Variants in RNF114 observed in about 807,000 individuals in gnomAD.
RNF114 encodes E3 ubiquitin-protein ligase RNF114.
RNF114 carries 6 observed loss-of-function variants against 28.4 expected under a neutral mutation model. The observed-to-expected ratio is 0.21, with a 90% CI of 0.12 to 0.42. RNF114 has a LOEUF of 0.42. Among genes scored for constraint, RNF114 ranks in the 10% least tolerant of loss-of-function variants. The probability of loss-of-function intolerance (pLI) is 1.00; values close to 1 mark genes in which losing one functional copy is unlikely to be tolerated. For synonymous variants in RNF114, 115 were observed against 116.7 expected, an observed-to-expected ratio of 0.99 and a Z score of 0.09; for missense variants, 249 against 311.7, an observed-to-expected ratio of 0.80 and a Z score of 1.51.
chr20:49,941,328 C>G, intron 1 of RNF114: 3 of 453,262 alleles, frequency 6.6e-6, no homozygotes, highest in Non-Finnish European at 1.2e-5. Flanking sequence ...ACCTTAACAC[C>G]TTCACTGTGT....
chr20:49,949,065 T>C (rs1234191535), intron 4 of RNF114, among the ~76,000 whole-genome samples, 183 bp from the exon 5 acceptor site: 1 of 152,162 alleles, frequency 6.6e-6, no homozygotes, highest in Non-Finnish European at 1.5e-5. Flanking sequence ...CCACGTGTCA[T>C]TTGACTTGAG....
chr20:49,946,939 G>C (rs1336530311), intron 4 of RNF114, among the ~76,000 whole-genome samples: 1 of 151,296 alleles, frequency 6.6e-6, no homozygotes, highest in Non-Finnish European at 1.5e-5. Context: ...AAAAATGTAG[G>C]CTGGGCACGG....
In RNF114 at chr20:49,936,438, G is replaced by C. The variant is rs887308687; in HGVS notation, c.26G>C (p.Gly9Ala). 2.6e-6 allele frequency: 4 copies of C among 1,540,164 alleles called. No homozygotes were observed. The highest frequency in any genetic ancestry group is 2.6e-5 in the East Asian group (1 of 38,710). ...ATGGCGGCGCAACAGCGGGACTGCG[G>C]GGGTGCTGCGCAGCTGGCGGGGCCG... MAAQQRDC[G>A]GAAQLAGPAA... is the part of the protein sequence containing the mutation. Residue 9 changes from glycine (G) to alanine (A), a missense_variant, in exon 1 of 6, where the codon GGG (glycine) becomes GCG (alanine). Transcript: ENST00000244061.
chr20:49,945,487 A>G lies in RNF114; in HGVS notation c.397A>G (p.Arg133Gly). 6.3e-7 allele frequency: 1 copy of G among 1,580,376 alleles called. No individual in the cohort carries two copies. Among genetic ancestry groups the G allele is most frequent in the Non-Finnish European group, 8.7e-7 (1 of 1,149,366 alleles). Reference protein sequence around the residue: ...ATIKDASLQPRNVPNRYTFPC... With the variant: ...ATIKDASLQPGNVPNRYTFPC... ...CATTAAGGATGCATCTCTTCAGCCA[A>G]GGTAAATGACTCAGTCTCCCCTTAG... Residue 133 changes from arginine to glycine, a missense_variant and splice_region_variant, in exon 3 of 6, where the codon AGG (arginine) becomes GGG (glycine). Arg to Gly is a moderately radical substitution (Grantham distance 125). Coordinates refer to ENST00000244061, the MANE Select transcript of RNF114 (RefSeq NM_018683.4).
At chr20:49,946,368 G>A (rs762916154) in intron 4 of RNF114, 118 bp downstream of exon 4, 13 of 598,860 alleles carry the variant, frequency 2.2e-5, no homozygotes, top group African/African-American at 3.8e-5. Flanking sequence ...TTGACAGATT[G>A]TTAACATTTT....
chr20:49,945,441 C>T lies in RNF114; in HGVS notation c.351C>T (p.Ile117=). The change falls in exon 3 of 6, where the codon ATC becomes ATT. Residue 117 remains isoleucine, a synonymous_variant. Transcript: ENST00000244061. ...VATCSKYQNY[I]MEGVKATIKD... The stretch of plus-strand genomic sequence containing the variant: ...CTTGTTCCAAATACCAGAATTACAT[C>T]ATGGAAGGTGTGAAGGCCACCATTA... 4 of 1,613,466 alleles carry T rather than the reference C, an allele frequency of 2.5e-6. No individual in the cohort carries two copies. Among genetic ancestry groups the T allele is most frequent in the Non-Finnish European group, 3.4e-6 (4 of 1,179,412 alleles).
chr20:49,945,598 T>TA, intron 3 of RNF114, 110 bp downstream of exon 3: 2 of 658,884 alleles, frequency 3.0e-6, no homozygotes, highest in South Asian at 3.6e-5. Flanking sequence ...CTAAAGCTGA[T>TA]ACAAGTATTT....
intron 1 of RNF114, among the ~76,000 whole-genome samples, chr20:49,939,809 C>G (rs368364867): frequency 2.0e-5 from 3 of 151,634 alleles, no homozygotes; most frequent in Middle Eastern, 3.5e-3. Context: ...AATCCCAGCA[C>G]TTTGGGAGGC....
Position 49,941,591 on chromosome 20 carries a change from G to A in RNF114, c.171G>A (p.Leu57=), listed in dbSNP as rs1262958399. ...VFCSACLQEC[L]KPKKPVCGVC... is the part of the protein sequence containing the mutation. ...GCTCTGCATGCCTGCAGGAATGTCTGAAGCCGAAGAAGCCTGTCTGTGGGG... is the reference window on the plus strand; with the variant it reads ...GCTCTGCATGCCTGCAGGAATGTCTAAAGCCGAAGAAGCCTGTCTGTGGGG... Residue 57 remains leucine, a synonymous_variant, in exon 2 of 6, where the codon CTG becomes CTA. Coordinates refer to ENST00000244061, the MANE Select transcript of RNF114 (RefSeq NM_018683.4). The A allele has an allele frequency of 6.2e-7, 1 of 1,609,032 alleles. No homozygotes were observed. The highest frequency in any genetic ancestry group is 8.5e-7 in the Non-Finnish European group (1 of 1,176,688).
intron 1 of RNF114, chr20:49,941,228 C>A (rs1051884220): frequency 1.3e-5 from 3 of 224,078 alleles, no homozygotes; most frequent in African/African-American, 6.9e-5. Flanking sequence ...GAGGTAGGTA[C>A]TACTCTCTCC....
chr20:49,937,264 G>A (rs759300806), intron 1 of RNF114, among the ~76,000 whole-genome samples: 1 of 152,156 alleles, frequency 6.6e-6, no homozygotes, highest in Admixed American at 6.5e-5. Flanking sequence ...TGGTCAGGTT[G>A]GTCGATTTGA....
rs935710419 is a variant in RNF114, at chr20:49,952,664, A to T, written c.*523A>T. 1 of 175,650 alleles carries T rather than the reference A, an allele frequency of 5.7e-6. No individual in the cohort carries two copies. The highest frequency in any genetic ancestry group is 2.4e-5 in the African/African-American group (1 of 42,402). The allele number at this position is 175,650 out of a possible 1,614,324, so 10.9% of individuals were successfully genotyped here. On this transcript the variant is annotated 3_prime_UTR_variant, in exon 6 of 6. Coordinates refer to ENST00000244061, the MANE Select transcript of RNF114 (RefSeq NM_018683.4). ...AGCTGGGGTTGCCATCCCGGGGTAC[A>T]TGTCACCAGTCCTCTTGGGGTTTTG... is the stretch of plus-strand genomic sequence containing the variant.
intron 4 of RNF114, among the ~76,000 whole-genome samples, chr20:49,948,450 AGAC>A (rs2090343391): frequency 7.4e-6 from 1 of 135,084 alleles, no homozygotes; most frequent in African/African-American, 2.8e-5. Context: ...TTTTTTTTTA[AGAC>A]AGAGTCTCAC....
intron 5 of RNF114, 124 bp from the exon 6 acceptor site, chr20:49,951,952 A>G: frequency 1.5e-6 from 1 of 671,426 alleles, no homozygotes; most frequent in East Asian, 2.5e-5. Flanking sequence ...AAACAGTTGC[A>G]CTGGGGATCC....
intron 5 of RNF114, among the ~76,000 whole-genome samples, 199 bp from the exon 6 acceptor site, chr20:49,951,877 A>T (rs1342601012): frequency 6.6e-6 from 1 of 151,714 alleles, no homozygotes; most frequent in Non-Finnish European, 1.5e-5. Context: ...GACTCCATCA[A>T]ATAAAAAAAA....
intron 1 of RNF114, among the ~76,000 whole-genome samples, chr20:49,937,431 C>T (rs549303311): frequency 4.6e-5 from 7 of 152,302 alleles, no homozygotes; most frequent in Middle Eastern, 3.4e-3. Context: ...GCAGCGGGCA[C>T]AGTAGCCATT....
chr20:49,946,076 A>C (rs2068518938), intron 3 of RNF114, 60 bp from the exon 4 acceptor site: 3 of 838,940 alleles, frequency 3.6e-6, no homozygotes, highest in Admixed American at 4.9e-5. Context: ...ACTGTGGTTG[A>C]AGTTTAATGG....
chr20:49,937,029 C>G (rs1426449161), intron 1 of RNF114, among the ~76,000 whole-genome samples: 1 of 152,092 alleles, frequency 6.6e-6, no homozygotes, highest in Non-Finnish European at 1.5e-5. Context: ...AAAGGGAAGT[C>G]TTTATGGGGA....
At position 49,936,630 on chromosome 20, in the gene RNF114, G is replaced by C. The variant is rs532535119; in HGVS notation, c.140+78G>C. The C allele has an allele frequency of 4.6e-6, 7 of 1,510,130 alleles. No homozygotes were observed. The Admixed American group carries it at 1.6e-4, about 34-fold the overall frequency. 93.5% of individuals were successfully genotyped at this position (1,510,130 alleles called of 1,614,324 possible). A position where few individuals can be genotyped will look rare whatever the true frequency, so the allele number is the denominator to read the frequency against. On this transcript the variant is annotated intron_variant, in intron 1 of 5. Transcript: ENST00000244061. ...GAGCCGAGGAGCGAGATGGGTCTCA[G>C]GGCGGGAGCCAGAGGACCCACCCAG...
Sources: gnomAD v4.1 joint callset for allele counts (sites outside exome capture counted in the v4.1 genomes callset) on GRCh38, gnomAD v4.1.1 for gene constraint, MANE v1.5 for transcripts, NCBI Gene and HGNC (gene_info 2026-07-23, HGNC 2026-07-21) for gene names.